The following ANXA5 variants were observed in gnomAD, a reference collection of about 807,000 sequenced individuals.
ANXA5 encodes the protein CBP-I.
ANXA5 carries 40 observed loss-of-function variants against 48.1 expected under a neutral mutation model. The ratio of observed to expected loss-of-function variants is 0.83; its 90% CI spans 0.65 to 1.08. The LOEUF is 1.08. ANXA5 is among the 50% of genes least tolerant of loss of function. The pLI, the probability that ANXA5 is intolerant of heterozygous loss-of-function variation, is 0.00. For missense variants in ANXA5, 357 were observed against 376.8 expected (o/e 0.95, Z 0.44); for synonymous variants, 113 against 129.1 (o/e 0.88, Z 0.85).
In ANXA5 at chr4:121,677,840, T is replaced by C. The variant is rs1279801737; in HGVS notation, c.531+54A>G. 2.6e-5 allele frequency: 37 copies of C among 1,436,998 alleles called. No homozygotes were observed. In the Admixed American group the frequency reaches 6.3e-4, roughly 25 times the overall value. The allele number at this position is 1,436,998 out of a possible 1,614,324, so 89.0% of individuals were successfully genotyped here. ...CATTGTGATTTTTCATTACCATGAA[T>C]TATTTCTTCATTTCTACAGCATAAT... On this transcript the variant is annotated intron_variant, in intron 8 of 12. Coordinates refer to ENST00000296511, the MANE Select transcript of ANXA5 (RefSeq NM_001154.4).
intron 2 of ANXA5, among the ~76,000 whole-genome samples, chr4:121,693,031 C>T (rs751548359): frequency 1.3e-5 from 2 of 152,112 alleles, no homozygotes; most frequent in Non-Finnish European, 2.9e-5. Flanking sequence ...GTTAGGAGTT[C>T]GAGACTAGCC....
intron 2 of ANXA5, among the ~76,000 whole-genome samples, chr4:121,690,607 G>T (rs1323152740): frequency 1.3e-5 from 2 of 152,168 alleles, no homozygotes; most frequent in Admixed American, 1.3e-4. Context: ...AGGTTTGTAG[G>T]CTATGAAGAA....
At chr4:121,680,641 G>A (rs1195995054) in intron 6 of ANXA5, among the ~76,000 whole-genome samples, 1 of 152,110 alleles carries the variant, frequency 6.6e-6, no homozygotes, top group Admixed American at 6.6e-5. Flanking sequence ...GAGTAGGACA[G>A]ACCACACAGT....
chr4:121,674,341 A>C (rs1467728873), intron 8 of ANXA5, among the ~76,000 whole-genome samples: 3 of 151,822 alleles, frequency 2.0e-5, no homozygotes, highest in Non-Finnish European at 2.9e-5. Flanking sequence ...AAAAGGAAAA[A>C]GGAGAAAGGG....
intron 2 of ANXA5, among the ~76,000 whole-genome samples, chr4:121,690,178 C>T (rs1465549579): frequency 2.6e-5 from 4 of 152,186 alleles, no homozygotes; most frequent in Admixed American, 6.5e-5. Flanking sequence ...GACAAAGAAA[C>T]ATACTGGCTC....
intron 6 of ANXA5, among the ~76,000 whole-genome samples, chr4:121,680,421 A>G (rs568286784): frequency 6.6e-6 from 1 of 152,320 alleles, no homozygotes; most frequent in East Asian, 1.9e-4. Context: ...TCTCTTCTGA[A>G]TGCATTATTG....
chr4:121,679,549 T>A (rs553154003), intron 6 of ANXA5, among the ~76,000 whole-genome samples: 36 of 152,164 alleles, frequency 2.4e-4, no homozygotes, highest in Non-Finnish European at 4.1e-4. Flanking sequence ...CATCTATATC[T>A]GAGCCTAACC....
intron 6 of ANXA5, chr4:121,681,410 C>G: frequency 3.1e-6 from 1 of 325,176 alleles, no homozygotes; most frequent in Non-Finnish European, 5.6e-6. Flanking sequence ...TATCCCTACA[C>G]TAATTGCAAA....
intron 5 of ANXA5, 119 bp from the exon 6 acceptor site, chr4:121,681,880 G>A: frequency 6.5e-6 from 4 of 618,642 alleles, no homozygotes; most frequent in Middle Eastern, 4.3e-4. Context: ...AGTATAACAT[G>A]GATTTCTTTG....
At chr4:121,681,636 G>A in intron 6 of ANXA5, 35 bp downstream of exon 6, 4 of 1,408,398 alleles carry the variant, frequency 2.8e-6, no homozygotes, top group Non-Finnish European at 4.0e-6. Context: ...AGTGATAGTG[G>A]AGGTGAAGTC....
At chr4:121,685,841 G>A (rs1200211879) in intron 3 of ANXA5, among the ~76,000 whole-genome samples, 1 of 152,090 alleles carries the variant, frequency 6.6e-6, no homozygotes, top group East Asian at 1.9e-4. Context: ...CACAGGTGAG[G>A]GTGACAAGCT....
chr4:121,692,535 T>C (rs1174530115), intron 2 of ANXA5, among the ~76,000 whole-genome samples: 2 of 152,238 alleles, frequency 1.3e-5, no homozygotes, highest in Non-Finnish European at 2.9e-5. Context: ...GGGCATTCCA[T>C]GAATAACACT....
chr4:121,678,716 T>C (rs752261506), intron 6 of ANXA5, among the ~76,000 whole-genome samples: 15 of 152,144 alleles, frequency 9.9e-5, no homozygotes, highest in Non-Finnish European at 1.9e-4. Flanking sequence ...CAAACTTAAA[T>C]CAAGACTCAG....
chr4:121,672,164 T>C (rs1465069253), intron 9 of ANXA5, among the ~76,000 whole-genome samples: 1 of 152,192 alleles, frequency 6.6e-6, no homozygotes, highest in Non-Finnish European at 1.5e-5. Context: ...TTGCACTAAA[T>C]TCATTCCCAA....
chr4:121,687,301 C>CAAA (rs79008900), intron 2 of ANXA5, among the ~76,000 whole-genome samples: 2 of 53,654 alleles, frequency 3.7e-5, no homozygotes, highest in African/African-American at 7.2e-5. Flanking sequence ...CTCTGTCTCA[C>CAAA]AAAAAAAAAA....
chr4:121,681,790 T>C (rs568287686), intron 5 of ANXA5, 29 bp from the exon 6 acceptor site: 4 of 1,487,594 alleles, frequency 2.7e-6, no homozygotes, highest in South Asian at 1.2e-5. Flanking sequence ...AGAGAAAACA[T>C]GTCAATAAGA....
At chr4:121,695,840 T>C (rs1725070156) in intron 2 of ANXA5, among the ~76,000 whole-genome samples, 2 of 150,508 alleles carry the variant, frequency 1.3e-5, no homozygotes, top group Admixed American at 1.3e-4. Context: ...GCAGAGGTTG[T>C]AGTGAGCGAG....
intron 7 of ANXA5, 137 bp downstream of exon 7, chr4:121,678,276 TAC>T (rs1724730585): frequency 1.4e-6 from 1 of 701,012 alleles, no homozygotes; most frequent in Admixed American, 2.8e-5. Context: ...ACAGGCAACA[TAC>T]AGTCAGAATC....
intron 8 of ANXA5, among the ~76,000 whole-genome samples, chr4:121,676,685 G>GA (rs1188427288): frequency 6.8e-6 from 1 of 146,354 alleles, no homozygotes; most frequent in Admixed American, 6.9e-5. Context: ...GGGGGCGGGG[G>GA]GGGGTATGGT....
Sources: gnomAD v4.1 joint callset for allele counts (sites outside exome capture counted in the v4.1 genomes callset) on GRCh38, gnomAD v4.1.1 for gene constraint, MANE v1.5 for transcripts, NCBI Gene and HGNC (gene_info 2026-07-23, HGNC 2026-07-21) for gene names.